Variants in LRRC8D observed in about 807,000 individuals in gnomAD.
LRRC8D encodes leucine rich repeat containing 8 VRAC subunit D.
A neutral mutation model predicts 55.8 loss-of-function variants in LRRC8D; 20 were observed. The observed-to-expected ratio is 0.36, with a 90% confidence interval of 0.25 to 0.52. The LOEUF (loss-of-function observed/expected upper bound fraction) is 0.52, where lower values mean the gene tolerates loss of function less well. Ranked by LOEUF, LRRC8D falls within the 20% of genes least tolerant of loss-of-function variation. LRRC8D has a pLI of 0.93. For synonymous variants in LRRC8D, 352 were observed against 377.0 expected (o/e 0.93, Z 0.77); for missense variants, 651 against 1,030.8 (o/e 0.63, Z 5.05).
At chr1:89,901,643 T>G (rs1193369412) in intron 2 of LRRC8D, among the ~76,000 whole-genome samples, 2 of 152,204 alleles carry the variant, frequency 1.3e-5, no homozygotes, top group Non-Finnish European at 2.9e-5. Flanking sequence ...GATTACCAGA[T>G]ACGCAGACTA....
At chr1:89,915,766 G>C (rs922681636) in intron 2 of LRRC8D, among the ~76,000 whole-genome samples, 3 of 152,160 alleles carry the variant, frequency 2.0e-5, no homozygotes, top group African/African-American at 7.2e-5. Context: ...AAATGCAGTG[G>C]CACCCTTGAC....
At chr1:89,906,891 T>G (rs905240214) in intron 2 of LRRC8D, among the ~76,000 whole-genome samples, 15 of 152,066 alleles carry the variant, frequency 9.9e-5, no homozygotes, top group African/African-American at 3.6e-4. Flanking sequence ...GTTCGTTGCA[T>G]TCCAACCTGT....
At chr1:89,885,737 T>C (rs1662401979) in intron 2 of LRRC8D, among the ~76,000 whole-genome samples, 1 of 152,220 alleles carries the variant, frequency 6.6e-6, no homozygotes, top group Non-Finnish European at 1.5e-5. Flanking sequence ...AAACACATTG[T>C]GCTTGGGCAT....
chr1:89,840,224 C>T (rs1397454906), intron 1 of LRRC8D, among the ~76,000 whole-genome samples: 6 of 142,280 alleles, frequency 4.2e-5, no homozygotes, highest in African/African-American at 1.1e-4. Flanking sequence ...CACACACGTG[C>T]GCATGCACAC....
rs115743974 is a variant in LRRC8D, at chr1:89,824,481, C to T, written c.-148+3190C>T. Among the ~76,000 whole-genome samples the T allele has an allele frequency of 8.6e-3, 1,317 of 152,302 alleles. 21 individuals carry two copies. Among genetic ancestry groups the T allele is most frequent in the African/African-American group, 0.03 (1,255 of 41,560 alleles). On this transcript the variant is annotated intron_variant, in intron 1 of 2. Coordinates refer to ENST00000337338, the MANE Select transcript of LRRC8D (RefSeq NM_001134479.2). Reference sequence around the variant, plus strand: ...ATTTATTTATTTTAGTAAATTCTTACCCTTTCTAGGTAACTTTTGTTTAAC... The same window carrying T: ...ATTTATTTATTTTAGTAAATTCTTATCCTTTCTAGGTAACTTTTGTTTAAC...
chr1:89,907,471 C>T lies in LRRC8D; in HGVS notation c.-2-25596C>T, dbSNP rs140393478. On this transcript the variant is annotated intron_variant, in intron 2 of 2. Coordinates refer to ENST00000337338, the MANE Select transcript of LRRC8D (RefSeq NM_001134479.2). The stretch of plus-strand genomic sequence containing the variant: ...TCACAAAGTGCTGGGATTACAAGTG[C>T]GAGCCACCATGTCCGGCCAGTCAGT... Among the ~76,000 whole-genome samples, 167 of 152,116 alleles carry T rather than the reference C, an allele frequency of 1.1e-3. 1 individual carries two copies. Among genetic ancestry groups the T allele is most frequent in the African/African-American group, 3.7e-3 (153 of 41,508 alleles).
At chr1:89,848,143 G>A (rs188985288) in intron 2 of LRRC8D, among the ~76,000 whole-genome samples, 16 of 152,140 alleles carry the variant, frequency 1.1e-4, no homozygotes, top group African/African-American at 2.4e-4. Flanking sequence ...CGGGCTAATC[G>A]TTTTTCATGG....
intron 2 of LRRC8D, among the ~76,000 whole-genome samples, chr1:89,908,172 ATAT>A (rs1388158827): frequency 6.6e-6 from 1 of 152,206 alleles, no homozygotes; most frequent in Non-Finnish European, 1.5e-5. Context: ...AACCTAAATA[ATAT>A]TTGTGAAAGC....
chr1:89,910,050 AGTT>A (rs890796637), intron 2 of LRRC8D, among the ~76,000 whole-genome samples: 148 of 152,290 alleles, frequency 9.7e-4, no homozygotes, highest in African/African-American at 3.4e-3. Flanking sequence ...GGCCTAAGTG[AGTT>A]GTTTATTCTT....
chr1:89,870,685 C>A (rs12095496), intron 2 of LRRC8D, among the ~76,000 whole-genome samples: 1 of 152,004 alleles, frequency 6.6e-6, no homozygotes, highest in African/African-American at 2.4e-5. Flanking sequence ...CCCCTCCCCA[C>A]CTTCCCCTCA....
chr1:89,859,507 C>T (rs984257979), intron 2 of LRRC8D, among the ~76,000 whole-genome samples: 6 of 151,892 alleles, frequency 4.0e-5, no homozygotes, highest in South Asian at 2.1e-4. Flanking sequence ...AGAAATGGTT[C>T]GGGGTTAAGG....
At position 89,847,751 on chromosome 1, in the gene LRRC8D, A is replaced by T. The variant is rs138996432; in HGVS notation, c.-3+3969A>T. On this transcript the variant is annotated intron_variant, in intron 2 of 2. Coordinates refer to ENST00000337338, the MANE Select transcript of LRRC8D (RefSeq NM_001134479.2). The stretch of plus-strand genomic sequence containing the variant: ...GGAAGCTTTTATTTAATATTAAAAG[A>T]TTTCAACGATCTTAACTGGTTCACT... Among the ~76,000 whole-genome samples the T allele has an allele frequency of 1.1e-3, 163 of 152,336 alleles. 1 individual carries two copies. Among genetic ancestry groups the T allele is most frequent in the African/African-American group, 3.8e-3 (156 of 41,568 alleles).
At chr1:89,854,444 G>A (rs1004558266) in intron 2 of LRRC8D, among the ~76,000 whole-genome samples, 2 of 151,962 alleles carry the variant, frequency 1.3e-5, no homozygotes, top group African/African-American at 4.8e-5. Flanking sequence ...TTTTACAATA[G>A]AACGCACAGG....
At chr1:89,864,981 A>G (rs1356864751) in intron 2 of LRRC8D, among the ~76,000 whole-genome samples, 2 of 152,134 alleles carry the variant, frequency 1.3e-5, no homozygotes, top group Admixed American at 6.5e-5. Flanking sequence ...ATGTCCTTCC[A>G]GAAGCTGTCT....
intron 2 of LRRC8D, among the ~76,000 whole-genome samples, chr1:89,853,892 G>T (rs1209382950): frequency 6.6e-6 from 1 of 152,150 alleles, no homozygotes. Flanking sequence ...AGATACACGC[G>T]GGTGTGTACA....
intron 2 of LRRC8D, 76 bp from the exon 3 acceptor site, chr1:89,932,991 C>G (rs910154840): frequency 2.3e-6 from 3 of 1,281,642 alleles, no homozygotes; most frequent in South Asian, 1.5e-5. Context: ...TAGTTAGGAG[C>G]AGGCATAGGG....
intron 1 of LRRC8D, among the ~76,000 whole-genome samples, chr1:89,842,550 C>T (rs1358617648): frequency 6.6e-6 from 1 of 152,164 alleles, no homozygotes; most frequent in African/African-American, 2.4e-5. Flanking sequence ...TTACATTCTC[C>T]ATTTTGAGTA....
intron 2 of LRRC8D, among the ~76,000 whole-genome samples, chr1:89,913,316 A>G (rs1041539101): frequency 1.3e-5 from 2 of 152,234 alleles, no homozygotes; most frequent in African/African-American, 4.8e-5. Context: ...ATGTTACTAA[A>G]TAATGATTTT....
intron 1 of LRRC8D, among the ~76,000 whole-genome samples, chr1:89,830,597 G>A (rs1244865468): frequency 2.6e-5 from 4 of 152,160 alleles, no homozygotes; most frequent in African/African-American, 7.2e-5. Flanking sequence ...GCAGGCACTC[G>A]CCCTCAGGGT....
Sources: allele counts gnomAD v4.1 joint callset (sites outside exome capture counted in the v4.1 genomes callset), GRCh38; gene constraint gnomAD v4.1.1; transcripts MANE v1.5; gene names NCBI Gene and HGNC (gene_info 2026-07-23, HGNC 2026-07-21).